DIP2B: variants seen among roughly 807,000 people sequenced by gnomAD.
DIP2B encodes DIP2 acetate--CoA ligase B (putative).
In DIP2B, 76 loss-of-function variants were observed where a neutral mutation model predicts 198.0. That is an observed-to-expected ratio of 0.38 (90% confidence interval 0.32 to 0.46). DIP2B has a LOEUF of 0.46. DIP2B is among the 20% of genes least tolerant of loss of function. The pLI is 0.99. For missense variants in DIP2B, 1,559 were observed against 1,978.4 expected (o/e 0.79, Z 4.02); for synonymous variants, 701 against 739.1 (o/e 0.95, Z 0.84).
At chr12:50,598,979 T>A in intron 1 of DIP2B, among the ~76,000 whole-genome samples, 2 of 61,070 alleles carry the variant, frequency 3.3e-5, no homozygotes, top group African/African-American at 8.7e-5. Flanking sequence ...GGTCAACACA[T>A]ATAAACATTA....
In DIP2B at chr12:50,714,282, T is replaced by A. The variant is rs570857637; in HGVS notation, c.2650-113T>A. 2.7e-5 allele frequency: 31 copies of A among 1,131,094 alleles called. No individual in the cohort carries two copies. The East Asian group carries it at 7.0e-4, about 26-fold the overall frequency. 70.1% of individuals were successfully genotyped at this position (1,131,094 alleles called of 1,614,324 possible). A position where few individuals can be genotyped will look rare whatever the true frequency, so the allele number is the denominator to read the frequency against. On this transcript the variant is annotated intron_variant, in intron 22 of 37. Coordinates refer to ENST00000301180, the MANE Select transcript of DIP2B (RefSeq NM_173602.3). Reference sequence around the variant, plus strand: ...TCTTAGTGATCTGCCAGATTCTAGATCTAGAATGGGTAGAGTAAGAAAAAT... The same window carrying A: ...TCTTAGTGATCTGCCAGATTCTAGAACTAGAATGGGTAGAGTAAGAAAAAT...
At chr12:50,528,502 A>G (rs572702867) in intron 1 of DIP2B, among the ~76,000 whole-genome samples, 11 of 152,076 alleles carry the variant, frequency 7.2e-5, no homozygotes, top group African/African-American at 2.6e-4. Flanking sequence ...GTATAAGTCT[A>G]TTATGCTGCT....
At chr12:50,712,870 C>T (rs188812908) in intron 22 of DIP2B, among the ~76,000 whole-genome samples, 21 of 152,108 alleles carry the variant, frequency 1.4e-4, no homozygotes, top group African/African-American at 3.9e-4. Context: ...ATCACGCCAT[C>T]GGACTCCAGC....
At chr12:50,634,442 A>G (rs1409506502) in intron 2 of DIP2B, among the ~76,000 whole-genome samples, 1 of 152,236 alleles carries the variant, frequency 6.6e-6, no homozygotes, top group East Asian at 1.9e-4. Flanking sequence ...TTCTAAACTT[A>G]CAGGGGTTAC....
chr12:50,734,065 T>G, intron 32 of DIP2B, 70 bp from the exon 33 acceptor site: 1 of 1,557,894 alleles, frequency 6.4e-7, no homozygotes, highest in Non-Finnish European at 8.9e-7. Flanking sequence ...GCTAAATTAT[T>G]TCTTGGTTTG....
In DIP2B at chr12:50,695,851, A is replaced by G. The variant is rs1939301856; in HGVS notation, c.1817A>G (p.Lys606Arg). ...TTCATCCTTTTTGAATTTATAGCCAAGGTAGCTTTAGTAAAATGTCGGGAC... is the reference window on the plus strand; with the variant it reads ...TTCATCCTTTTTGAATTTATAGCCAGGGTAGCTTTAGTAAAATGTCGGGAC... ...WVQRVHAHKAKVALVKCRDLH... is the reference protein window; with the variant it reads ...WVQRVHAHKARVALVKCRDLH... Residue 606 changes from lysine to arginine, a missense_variant, in exon 16 of 38, where the codon AAG (lysine) becomes AGG (arginine). Coordinates refer to ENST00000301180, the MANE Select transcript of DIP2B (RefSeq NM_173602.3). 6.2e-7 allele frequency: 1 copy of G among 1,614,060 alleles called. No individual in the cohort carries two copies. The highest frequency in any genetic ancestry group is 1.1e-5 in the South Asian group (1 of 91,076).
chr12:50,724,978 C>T, intron 28 of DIP2B, 92 bp downstream of exon 28: 8 of 1,291,758 alleles, frequency 6.2e-6, no homozygotes, highest in Non-Finnish European at 8.9e-6. Flanking sequence ...GTTTACCCTG[C>T]CTTTATGTCT....
At chr12:50,662,936 C>T (rs1388612414) in intron 4 of DIP2B, among the ~76,000 whole-genome samples, 1 of 151,704 alleles carries the variant, frequency 6.6e-6, no homozygotes. Context: ...AGGTGAAACC[C>T]CGTCCCGGCT....
chr12:50,747,241 A>T lies in DIP2B; in HGVS notation c.*2402A>T, dbSNP rs1940352791. The T allele has an allele frequency of 6.6e-6, 1 of 152,226 alleles. No homozygotes were observed. Among genetic ancestry groups the T allele is most frequent in the African/African-American group, 2.4e-5 (1 of 41,458 alleles). The allele number at this position is 152,226 out of a possible 1,614,324, so 9.4% of individuals were successfully genotyped here. On this transcript the variant is annotated 3_prime_UTR_variant, in exon 38 of 38. Transcript: ENST00000301180. ...TAGTGGCTACCATATTAGACAGTGC[A>T]GATCTATACTCATTCCTTCAAATAC... is the stretch of plus-strand genomic sequence containing the variant.
intron 28 of DIP2B, among the ~76,000 whole-genome samples, chr12:50,726,327 A>G (rs1939933001): frequency 6.6e-6 from 1 of 152,178 alleles, no homozygotes; most frequent in Non-Finnish European, 1.5e-5. Flanking sequence ...TAAATGAGTG[A>G]AAGCAGCGAA....
intron 1 of DIP2B, among the ~76,000 whole-genome samples, chr12:50,537,948 A>T (rs907318918): frequency 6.6e-6 from 1 of 152,244 alleles, no homozygotes; most frequent in African/African-American, 2.4e-5. Context: ...GAATGAGGAC[A>T]TAGAAATGGT....
At chr12:50,632,421 G>A (rs1369884244) in intron 2 of DIP2B, among the ~76,000 whole-genome samples, 1 of 142,838 alleles carries the variant, frequency 7.0e-6, no homozygotes, top group Non-Finnish European at 1.5e-5. Flanking sequence ...GGAGGTTGCA[G>A]TGAGCCGAGA....
In DIP2B at chr12:50,723,297, C is replaced by A; in HGVS notation, c.3262C>A (p.Leu1088Met). The A allele has an allele frequency of 1.9e-6, 3 of 1,614,176 alleles. No homozygotes were observed. Among genetic ancestry groups the A allele is most frequent in the Non-Finnish European group, 1.7e-6 (2 of 1,180,040 alleles). The change falls in exon 27 of 38, where the codon CTG becomes ATG. Residue 1088 changes from leucine to methionine, a missense_variant. By Grantham distance (15) the Leu-to-Met change is conservative. Coordinates refer to ENST00000301180, the MANE Select transcript of DIP2B (RefSeq NM_173602.3). ...PPHAQNLTAT[L>M]PTVRMIVDVS... Reference sequence around the variant, plus strand: ...ACATGCTCAGAACCTCACGGCCACGCTGCCCACTGTCCGAATGATTGTTGA... The same window carrying A: ...ACATGCTCAGAACCTCACGGCCACGATGCCCACTGTCCGAATGATTGTTGA...
chr12:50,667,380 A>G (rs1257826819), intron 4 of DIP2B, among the ~76,000 whole-genome samples: 2 of 152,328 alleles, frequency 1.3e-5, no homozygotes, highest in East Asian at 3.9e-4. Flanking sequence ...TCATGAGTTT[A>G]TTTTTAATCA....
intron 3 of DIP2B, among the ~76,000 whole-genome samples, chr12:50,648,775 G>A (rs76292346): frequency 0.019 from 2,724 of 145,176 alleles, 91 homozygotes; most frequent in African/African-American, 0.068. Context: ...ATAGGTATTT[G>A]CCAGTGCAGA....
chr12:50,638,864 A>AT (rs10632181), intron 2 of DIP2B, among the ~76,000 whole-genome samples: 145,258 of 147,622 alleles, frequency 0.98, 71,462 homozygotes, highest in Middle Eastern at 1. Flanking sequence ...AGTGTTTCAG[A>AT]TTTTTTTTTT....
chr12:50,653,235 C>A (rs987323640), intron 3 of DIP2B, among the ~76,000 whole-genome samples: 1 of 149,144 alleles, frequency 6.7e-6, no homozygotes, highest in African/African-American at 2.5e-5. Context: ...TTTCATGATT[C>A]GGTCTTGTTA....
intron 1 of DIP2B, among the ~76,000 whole-genome samples, chr12:50,594,812 G>A (rs757896702): frequency 2.6e-5 from 4 of 152,156 alleles, no homozygotes; most frequent in Admixed American, 2.6e-4. Flanking sequence ...TTGCTAGTCT[G>A]TCTTGGTATT....
intron 22 of DIP2B, among the ~76,000 whole-genome samples, chr12:50,712,927 G>A (rs1939646117): frequency 6.6e-6 from 1 of 151,836 alleles, no homozygotes. Flanking sequence ...AAATAAAGTT[G>A]ATTGGTTCCA....
Sources: allele counts gnomAD v4.1 joint callset (sites outside exome capture counted in the v4.1 genomes callset), GRCh38; gene constraint gnomAD v4.1.1; transcripts MANE v1.5; gene names NCBI Gene and HGNC (gene_info 2026-07-23, HGNC 2026-07-21).